The following RABGAP1L variants were observed in gnomAD, a reference collection of about 807,000 sequenced individuals.
RABGAP1L encodes the protein rab GTPase-activating protein 1-like.
In RABGAP1L, 63 loss-of-function variants were observed where a neutral mutation model predicts 137.7. The ratio of observed to expected loss-of-function variants is 0.46; its 90% CI spans 0.37 to 0.56. The LOEUF (loss-of-function observed/expected upper bound fraction) is 0.56. Ranked by LOEUF, RABGAP1L falls within the 20% of genes least tolerant of loss-of-function variation. The pLI is 0.00. For missense variants in RABGAP1L, 1,095 were observed against 1,244.0 expected (o/e 0.88, Z 1.80); for synonymous variants, 431 against 433.7 (o/e 0.99, Z 0.08).
chr1:174,636,983 A>G (rs949540766), intron 13 of RABGAP1L, among the ~76,000 whole-genome samples: 1 of 152,182 alleles, frequency 6.6e-6, no homozygotes, highest in Admixed American at 6.5e-5. Flanking sequence ...GATATACCTT[A>G]TTTTTAAAAA....
chr1:174,906,393 C>T (rs1157361983), intron 19 of RABGAP1L, among the ~76,000 whole-genome samples: 1 of 152,040 alleles, frequency 6.6e-6, no homozygotes, highest in Non-Finnish European at 1.5e-5. Flanking sequence ...TTTGGGAGAC[C>T]AAGGCAGGCG....
Position 174,331,922 on chromosome 1 carries a change from C to T in RABGAP1L, c.1465+26795C>T, listed in dbSNP as rs142323694. 9.4e-3 allele frequency among the ~76,000 whole-genome samples: 1,408 copies of T among 150,236 alleles called. 26 individuals are homozygous for T. Among genetic ancestry groups the T allele is most frequent in the African/African-American group, 0.033 (1,354 of 40,834 alleles). ...GTTTCCACCTATGAGTGAGAACATG[C>T]GGTGTTTGGTTTTTTGTCCTTGCTA... On this transcript the variant is annotated intron_variant, in intron 11 of 25. Transcript: ENST00000681986.
At chr1:174,175,806 G>A (rs1253516529) in intron 1 of RABGAP1L, among the ~76,000 whole-genome samples, 1 of 151,790 alleles carries the variant, frequency 6.6e-6, no homozygotes, top group Non-Finnish European at 1.5e-5. Context: ...TTGTATTTTT[G>A]TAGAAATGGA....
At chr1:174,257,195 G>C (rs559889667) in intron 7 of RABGAP1L, among the ~76,000 whole-genome samples, 13 of 152,090 alleles carry the variant, frequency 8.5e-5, no homozygotes, top group Non-Finnish European at 1.5e-4. Flanking sequence ...GCATAACAAA[G>C]CATCTTTCAA....
chr1:174,788,114 A>G (rs1687593388), intron 18 of RABGAP1L, among the ~76,000 whole-genome samples: 1 of 152,218 alleles, frequency 6.6e-6, no homozygotes, highest in South Asian at 2.1e-4. Context: ...AAGCAATTGA[A>G]TAGTGATACC....
intron 19 of RABGAP1L, among the ~76,000 whole-genome samples, chr1:174,948,243 G>A (rs1667175710): frequency 1.3e-5 from 2 of 152,060 alleles, no homozygotes; most frequent in Non-Finnish European, 1.5e-5. Flanking sequence ...TAATTGGGCT[G>A]GGTGCAGTGG....
chr1:174,269,376 T>C (rs944914973), intron 7 of RABGAP1L, among the ~76,000 whole-genome samples: 3 of 152,264 alleles, frequency 2.0e-5, no homozygotes, highest in East Asian at 3.8e-4. Flanking sequence ...AGGGAGCTTA[T>C]AGTCTTTTAC....
chr1:174,389,749 T>C (rs1687070666), intron 12 of RABGAP1L, among the ~76,000 whole-genome samples: 1 of 152,162 alleles, frequency 6.6e-6, no homozygotes, highest in African/African-American at 2.4e-5. Flanking sequence ...TGGGGCACTG[T>C]TTCTAGGTGC....
intron 19 of RABGAP1L, among the ~76,000 whole-genome samples, chr1:174,945,370 A>G (rs1337833493): frequency 1.3e-5 from 2 of 152,200 alleles, no homozygotes; most frequent in East Asian, 3.8e-4. Flanking sequence ...TTTCTACTTG[A>G]GATTTACAAT....
chr1:174,830,976 A>G (rs908078603), intron 19 of RABGAP1L, among the ~76,000 whole-genome samples: 1 of 147,936 alleles, frequency 6.8e-6, no homozygotes, highest in Non-Finnish European at 1.5e-5. Context: ...GTGGGTTTCC[A>G]GAGTTCGGAG....
At chr1:174,386,799 A>T (rs1686831379) in intron 12 of RABGAP1L, among the ~76,000 whole-genome samples, 1 of 151,978 alleles carries the variant, frequency 6.6e-6, no homozygotes, top group Non-Finnish European at 1.5e-5. Flanking sequence ...GAGCCACCGC[A>T]CCGGCCTAGA....
At chr1:174,590,605 G>C (rs1375110329) in intron 13 of RABGAP1L, among the ~76,000 whole-genome samples, 1 of 63,378 alleles carries the variant, frequency 1.6e-5, no homozygotes, top group African/African-American at 7.0e-5. Flanking sequence ...GCGGTGTTTG[G>C]TTTTTTGTTC....
In RABGAP1L at chr1:174,546,569, A is replaced by G. The variant is rs1294968854; in HGVS notation, c.1711-90806A>G. Among the ~76,000 whole-genome samples the G allele has an allele frequency of 2.0e-5, 3 of 152,328 alleles. No homozygotes were observed. The East Asian group carries it at 5.8e-4, about 29-fold the overall frequency. On this transcript the variant is annotated intron_variant, in intron 13 of 25. Transcript: ENST00000681986. ...AATGTGCCATTTGTGATAAGGGGGAATAGGAACTTTTCTCTGAATCCTTTT... is the reference window on the plus strand; with the variant it reads ...AATGTGCCATTTGTGATAAGGGGGAGTAGGAACTTTTCTCTGAATCCTTTT...
chr1:174,964,411 C>T (rs1669435094), intron 20 of RABGAP1L, among the ~76,000 whole-genome samples: 1 of 152,186 alleles, frequency 6.6e-6, no homozygotes, highest in African/African-American at 2.4e-5. Flanking sequence ...TCACATTTCT[C>T]TGGTTTCTCA....
At chr1:174,195,705 C>CTTT (rs1558021580) in intron 1 of RABGAP1L, among the ~76,000 whole-genome samples, 74 of 98,104 alleles carry the variant, frequency 7.5e-4, no homozygotes, top group African/African-American at 3.6e-3. Context: ...TCCTTCTTTC[C>CTTT]TTCTTTCTTT....
intron 19 of RABGAP1L, among the ~76,000 whole-genome samples, chr1:174,869,990 G>A (rs904593182): frequency 1.3e-5 from 2 of 152,152 alleles, no homozygotes; most frequent in African/African-American, 2.4e-5. Flanking sequence ...TATTCTAGTA[G>A]CAGCCCAAAC....
intron 20 of RABGAP1L, among the ~76,000 whole-genome samples, chr1:174,962,424 T>C (rs539921847): frequency 2.0e-4 from 31 of 152,268 alleles, no homozygotes; most frequent in African/African-American, 7.2e-4. Context: ...TTCTTGAGAT[T>C]AAACAAAGTA....
At chr1:174,793,812 C>T (rs1209220527) in intron 18 of RABGAP1L, among the ~76,000 whole-genome samples, 1 of 152,086 alleles carries the variant, frequency 6.6e-6, no homozygotes, top group African/African-American at 2.4e-5. Flanking sequence ...TCTCCTGCTT[C>T]AGCCTCTCCA....
At chr1:174,216,421 C>T (rs778865435) in intron 1 of RABGAP1L, among the ~76,000 whole-genome samples, 4 of 152,036 alleles carry the variant, frequency 2.6e-5, no homozygotes, top group Admixed American at 2.6e-4. Context: ...TTAATATATA[C>T]ACATGTACCC....
Sources: gnomAD v4.1 joint callset for allele counts (sites outside exome capture counted in the v4.1 genomes callset) on GRCh38, gnomAD v4.1.1 for gene constraint, MANE v1.5 for transcripts, NCBI Gene and HGNC (gene_info 2026-07-23, HGNC 2026-07-21) for gene names.